The following SGCZ variants were observed in gnomAD, a reference collection of about 807,000 sequenced individuals.
The protein encoded by SGCZ is sarcoglycan zeta, also known as zeta-sarcoglycan.
A neutral mutation model predicts 41.3 loss-of-function variants in SGCZ; 40 were observed. The ratio of observed to expected loss-of-function variants is 0.97; its 90% CI spans 0.75 to 1.26. The LOEUF is 1.26. Ranked by LOEUF, SGCZ falls within the 50% of genes most tolerant of loss-of-function variation. The pLI is 0.00. For synonymous variants in SGCZ, 206 were observed against 137.5 expected, an observed-to-expected ratio of 1.50 and a Z score of -3.49; for missense variants, 552 against 369.8, an observed-to-expected ratio of 1.49 and a Z score of -4.04.
intron 2 of SGCZ, among the ~76,000 whole-genome samples, chr8:14,410,552 A>C (rs74570669): frequency 1.4e-5 from 2 of 138,134 alleles, no homozygotes; most frequent in South Asian, 2.2e-4. Flanking sequence ...AAAAAAAAAA[A>C]ACAGAAGTTC....
At chr8:14,202,652 C>T (rs1158664165) in intron 4 of SGCZ, among the ~76,000 whole-genome samples, 1 of 152,024 alleles carries the variant, frequency 6.6e-6, no homozygotes, top group Non-Finnish European at 1.5e-5. Context: ...GATCTCCTTT[C>T]AAGATATTTT....
chr8:14,377,681 C>A (rs1190590621), intron 2 of SGCZ, among the ~76,000 whole-genome samples: 1 of 151,268 alleles, frequency 6.6e-6, no homozygotes, highest in African/African-American at 2.4e-5. Context: ...CCTCCCCACT[C>A]CCCCCACCCC....
rs563084114 is a variant in SGCZ, at chr8:15,147,412, G to A, written c.39+90173C>T. On this transcript the variant is annotated intron_variant, in intron 1 of 7. Coordinates refer to ENST00000382080, the MANE Select transcript of SGCZ (RefSeq NM_139167.4). ...TCCTGCCTCAGCCTCCCGAGTAACT[G>A]GGATTACAGGCATGCACCACCATGC... is the stretch of plus-strand genomic sequence containing the variant. Among the ~76,000 whole-genome samples the A allele has an allele frequency of 7.9e-5, 12 of 152,250 alleles. No individual in the cohort carries two copies. The East Asian group carries it at 1.9e-3, about 25-fold the overall frequency.
chr8:14,289,305 T>C (rs1800758861), intron 3 of SGCZ, among the ~76,000 whole-genome samples: 1 of 152,062 alleles, frequency 6.6e-6, no homozygotes, highest in Non-Finnish European at 1.5e-5. Flanking sequence ...TTCTCTTTGG[T>C]TGTTTATGCT....
intron 1 of SGCZ, among the ~76,000 whole-genome samples, chr8:14,725,506 A>T (rs570329280): frequency 3.3e-5 from 5 of 152,110 alleles, no homozygotes; most frequent in Admixed American, 6.5e-5. Context: ...TGTCTTTTTC[A>T]TAAAACGATT....
At chr8:15,160,954 G>C (rs1349583455) in intron 1 of SGCZ, among the ~76,000 whole-genome samples, 1 of 152,190 alleles carries the variant, frequency 6.6e-6, no homozygotes, top group Non-Finnish European at 1.5e-5. Context: ...CTGGTGTGCA[G>C]TGGTGTGAGC....
At chr8:14,197,552 A>T (rs1805305358) in intron 4 of SGCZ, among the ~76,000 whole-genome samples, 1 of 152,116 alleles carries the variant, frequency 6.6e-6, no homozygotes, top group African/African-American at 2.4e-5. Flanking sequence ...ATCAAATTAA[A>T]AAAAAACAAA....
chr8:14,157,084 C>CA (rs1202611472), intron 5 of SGCZ, among the ~76,000 whole-genome samples: 1 of 151,806 alleles, frequency 6.6e-6, no homozygotes, highest in Non-Finnish European at 1.5e-5. Flanking sequence ...TGACTGGCTG[C>CA]AAAGTAGGTT....
intron 2 of SGCZ, among the ~76,000 whole-genome samples, chr8:14,367,738 T>C (rs573757750): frequency 6.6e-6 from 1 of 152,080 alleles, no homozygotes; most frequent in Non-Finnish European, 1.5e-5. Context: ...ACCACCCCCA[T>C]AAACCAGTCA....
At chr8:14,487,004 C>T (rs1801694583) in intron 2 of SGCZ, among the ~76,000 whole-genome samples, 1 of 152,068 alleles carries the variant, frequency 6.6e-6, no homozygotes, top group Non-Finnish European at 1.5e-5. Context: ...ACATGTGTGC[C>T]ACCTAAATAT....
chr8:14,221,353 T>G (rs1806188508), intron 4 of SGCZ, among the ~76,000 whole-genome samples: 1 of 152,238 alleles, frequency 6.6e-6, no homozygotes, highest in African/African-American at 2.4e-5. Context: ...CACACATGGT[T>G]TATAATTATT....
At chr8:14,625,024 T>A (rs1485403146) in intron 1 of SGCZ, among the ~76,000 whole-genome samples, 7 of 152,158 alleles carry the variant, frequency 4.6e-5, no homozygotes, top group Non-Finnish European at 1.0e-4. Context: ...TCATTTTTTT[T>A]AATATTTAAA....
At chr8:14,474,295 A>G (rs1801296939) in intron 2 of SGCZ, among the ~76,000 whole-genome samples, 1 of 152,234 alleles carries the variant, frequency 6.6e-6, no homozygotes. Context: ...GCAAACATCC[A>G]AATTTCTGAA....
chr8:14,615,834 C>A (rs1456043753), intron 1 of SGCZ, among the ~76,000 whole-genome samples: 2 of 152,162 alleles, frequency 1.3e-5, no homozygotes, highest in African/African-American at 4.8e-5. Flanking sequence ...ATTACATGTG[C>A]AAGTGTCAAT....
intron 4 of SGCZ, among the ~76,000 whole-genome samples, chr8:14,208,655 T>G (rs1316112934): frequency 6.6e-6 from 1 of 152,132 alleles, no homozygotes; most frequent in Non-Finnish European, 1.5e-5. Context: ...ATTACCATTA[T>G]GAAAACAACT....
intron 4 of SGCZ, among the ~76,000 whole-genome samples, chr8:14,220,565 T>A (rs1177292025): frequency 6.6e-6 from 1 of 151,810 alleles, no homozygotes; most frequent in African/African-American, 2.4e-5. Flanking sequence ...GTGTATGTGT[T>A]ATAAGATAAT....
intron 4 of SGCZ, among the ~76,000 whole-genome samples, chr8:14,173,458 AT>A (rs1804450834): frequency 1.3e-5 from 1 of 74,804 alleles, no homozygotes; most frequent in African/African-American, 3.9e-5. Flanking sequence ...AAAATTCAAT[AT>A]GTTAAGTGAA....
At chr8:14,648,311 T>C (rs1328154031) in intron 1 of SGCZ, among the ~76,000 whole-genome samples, 1 of 152,128 alleles carries the variant, frequency 6.6e-6, no homozygotes, top group Non-Finnish European at 1.5e-5. Context: ...AAATGTTTCA[T>C]TCTGTAGCTT....
intron 1 of SGCZ, among the ~76,000 whole-genome samples, chr8:14,637,126 C>G (rs1295685868): frequency 6.6e-6 from 1 of 151,552 alleles, no homozygotes; most frequent in Non-Finnish European, 1.5e-5. Context: ...AAGAATTTCT[C>G]ATACCTCTGA....
Sources: allele counts gnomAD v4.1 joint callset (sites outside exome capture counted in the v4.1 genomes callset), GRCh38; gene constraint gnomAD v4.1.1; transcripts MANE v1.5; gene names NCBI Gene and HGNC (gene_info 2026-07-23, HGNC 2026-07-21).